The following RAB44 variants were observed in gnomAD, a reference collection of about 807,000 sequenced individuals.
RAB44 encodes ras-related protein Rab-44.
In RAB44, 67 loss-of-function variants were observed where a neutral mutation model predicts 93.3. That is an observed-to-expected ratio of 0.72 (90% CI 0.59 to 0.88). RAB44 has a LOEUF of 0.88. Ranked by LOEUF, RAB44 falls within the 40% of genes least tolerant of loss-of-function variation. The pLI is 0.00. For synonymous variants in RAB44, 427 were observed against 520.3 expected (o/e 0.82, Z 2.44); for missense variants, 1,064 against 1,261.7 (o/e 0.84, Z 2.37).
At chr6:36,711,658 A>G (rs1195573396) in intron 2 of RAB44, among the ~76,000 whole-genome samples, 2 of 152,248 alleles carry the variant, frequency 1.3e-5, no homozygotes, top group Non-Finnish European at 2.9e-5. Flanking sequence ...TCTATAAACC[A>G]ATCAACACAG....
chr6:36,725,416 A>G (rs374227619), intron 9 of RAB44, among the ~76,000 whole-genome samples: 2 of 152,178 alleles, frequency 1.3e-5, no homozygotes, highest in South Asian at 2.1e-4. Context: ...AAGGAAAGAG[A>G]GGCTCACAGA....
In RAB44 at chr6:36,705,220, G is replaced by A. The variant is rs147769052; in HGVS notation, c.207+778G>A. On this transcript the variant is annotated intron_variant, in intron 2 of 13. Coordinates refer to ENST00000612677, the MANE Select transcript of RAB44 (RefSeq NM_001257357.2). ...CAGAAAACTATTAGGATAAAATTAC[G>A]GAGTTCAATTCTTAAAATGGCTAAT... Among the ~76,000 whole-genome samples the A allele has an allele frequency of 4.0e-3, 608 of 152,144 alleles. 2 individuals are homozygous for A. Among genetic ancestry groups the A allele is most frequent in the African/African-American group, 0.014 (562 of 41,500 alleles).
Position 36,722,535 on chromosome 6 carries a change from C to T in RAB44, c.2401C>T (p.Leu801Phe). The part of the protein sequence containing the change: ...HSREPRAESR[L>F]EDPGMDSREA... ...CAGGGAACCAAGGGCAGAGAGCAGG[C>T]TTGAAGATCCAGGAATGGACTCCAG... Residue 801 changes from leucine (L) to phenylalanine (F), a missense_variant, in exon 9 of 14, where the codon CTT becomes TTT. Leu to Phe is a conservative substitution (Grantham distance 22). Coordinates refer to ENST00000612677, the MANE Select transcript of RAB44 (RefSeq NM_001257357.2). 6.5e-7 allele frequency: 1 copy of T among 1,539,322 alleles called. No homozygotes were observed. Among genetic ancestry groups the T allele is most frequent in the Non-Finnish European group, 8.8e-7 (1 of 1,140,682 alleles).
intron 1 of RAB44, among the ~76,000 whole-genome samples, chr6:36,701,014 G>A (rs755927354): frequency 9.8e-5 from 15 of 152,332 alleles, no homozygotes; most frequent in South Asian, 2.1e-4. Context: ...GAGAGATACC[G>A]CGTGAAGGCC....
At chr6:36,730,910 G>T (rs1763349862) in intron 13 of RAB44, among the ~76,000 whole-genome samples, 161 bp downstream of exon 13, 1 of 151,898 alleles carries the variant, frequency 6.6e-6, no homozygotes, top group African/African-American at 2.4e-5. Context: ...ACCAGTCTGA[G>T]GGGAGAGAGA....
intron 3 of RAB44, among the ~76,000 whole-genome samples, chr6:36,714,228 G>A (rs538329225): frequency 6.6e-6 from 1 of 152,336 alleles, no homozygotes; most frequent in South Asian, 2.1e-4. Context: ...GAGTAACATT[G>A]TGGCTTTGGT....
rs189805752 is a variant in RAB44 at position 36,730,548 on chromosome 6, C to G, written c.2899-125C>G. 7.9e-6 allele frequency: 4 copies of G among 507,646 alleles called. No individual in the cohort carries two copies. In the East Asian group the frequency reaches 1.4e-4, roughly 18 times the overall value. 31.4% of individuals were successfully genotyped at this position (507,646 alleles called of 1,614,324 possible). The stretch of plus-strand genomic sequence containing the variant: ...CACGCTGAGATGGGGCTGTCTTGCT[C>G]GCCACTGAGGTCAGCTTAGGGATGC... On this transcript the variant is annotated intron_variant, in intron 12 of 13. Coordinates refer to ENST00000612677, the MANE Select transcript of RAB44 (RefSeq NM_001257357.2).
intron 1 of RAB44, among the ~76,000 whole-genome samples, chr6:36,700,164 C>A (rs1388214884): frequency 6.6e-6 from 1 of 152,206 alleles, no homozygotes; most frequent in East Asian, 1.9e-4. Context: ...GATGTTTCAA[C>A]TTTAATTATC....
chr6:36,703,957 GA>G (rs1386692547), intron 1 of RAB44, among the ~76,000 whole-genome samples: 1 of 152,228 alleles, frequency 6.6e-6, no homozygotes, highest in Non-Finnish European at 1.5e-5. Flanking sequence ...GTAGTAGCCT[GA>G]AGAGATGAGG....
intron 1 of RAB44, among the ~76,000 whole-genome samples, chr6:36,698,536 C>T (rs746786168): frequency 1.5e-4 from 23 of 152,088 alleles, no homozygotes; most frequent in Non-Finnish European, 2.8e-4. Flanking sequence ...TTCATTTGCT[C>T]TCATGTTTGG....
At chr6:36,727,269 G>A (rs12214556) in intron 10 of RAB44, among the ~76,000 whole-genome samples, 2 of 152,186 alleles carry the variant, frequency 1.3e-5, no homozygotes, top group East Asian at 1.9e-4. Flanking sequence ...ATGTATATAC[G>A]TAAAATGCCT....
Position 36,723,967 on chromosome 6 carries a change from A to G in RAB44, c.2599+1234A>G, listed in dbSNP as rs369832420. On this transcript the variant is annotated intron_variant, in intron 9 of 13. Transcript: ENST00000612677. ...GGGATCAGAGCCAGACCAGTCGGTA[A>G]ATGACAGCCCCCCACAAGAGAGGCC... Among the ~76,000 whole-genome samples the G allele has an allele frequency of 2.4e-4, 37 of 151,906 alleles. No homozygotes were observed. The East Asian group carries it at 6.6e-3, about 27-fold the overall frequency.
intron 9 of RAB44, 41 bp downstream of exon 9, chr6:36,722,774 G>T (rs893552071): frequency 1.4e-5 from 21 of 1,547,644 alleles, no homozygotes; most frequent in Non-Finnish European, 1.7e-5. Context: ...AAGGAGAGAC[G>T]CAGGGGCCAG....
chr6:36,714,309 C>A (rs909706857), intron 3 of RAB44, among the ~76,000 whole-genome samples: 2 of 152,138 alleles, frequency 1.3e-5, no homozygotes, highest in Admixed American at 6.5e-5. Flanking sequence ...AGGTGCTGAG[C>A]CCCCACTGGG....
chr6:36,723,379 G>A (rs770938262), intron 9 of RAB44, among the ~76,000 whole-genome samples: 7 of 152,182 alleles, frequency 4.6e-5, no homozygotes, highest in Non-Finnish European at 8.8e-5. Context: ...CATGTAGTGA[G>A]TACTCAGTAA....
chr6:36,725,985 A>G (rs1432202926), intron 10 of RAB44, 42 bp downstream of exon 10: 5 of 1,466,994 alleles, frequency 3.4e-6, no homozygotes, highest in African/African-American at 2.8e-5. Context: ...ACCTAGGCTG[A>G]GCGTAGGGGT....
intron 1 of RAB44, among the ~76,000 whole-genome samples, chr6:36,703,759 C>T (rs1762569986): frequency 6.6e-6 from 1 of 151,890 alleles, no homozygotes; most frequent in African/African-American, 2.4e-5. Flanking sequence ...ATCCCTGACG[C>T]AGCTGAGATG....
rs1032719902 is a variant in RAB44 at position 36,727,574 on chromosome 6, CAGGT to C, written c.2682-1_2684del. Reference sequence around the variant, plus strand: ...TGTGGCCTCATGCAGACTCTCTGGGCAGGTACCACAGTATGACGCGACAGCTGCT... The same window carrying C: ...TGTGGCCTCATGCAGACTCTCTGGGCACCACAGTATGACGCGACAGCTGCT... On this transcript the variant is annotated splice_acceptor_variant and coding_sequence_variant, in exon 11 of 14. Transcript: ENST00000612677. LOFTEE classifies it high-confidence loss of function. 12 of 1,548,356 alleles carry C rather than the reference CAGGT, an allele frequency of 7.8e-6. No individual in the cohort carries two copies. In the African/African-American group the frequency reaches 1.6e-4, roughly 21 times the overall value.
chr6:36,705,901 A>ATTT (rs202201461), intron 2 of RAB44, among the ~76,000 whole-genome samples: 159 of 143,970 alleles, frequency 1.1e-3, no homozygotes, highest in African/African-American at 3.9e-3. Context: ...TTTATGTTGG[A>ATTT]TTTTTTTTTT....
Sources: allele counts gnomAD v4.1 joint callset (sites outside exome capture counted in the v4.1 genomes callset), GRCh38; gene constraint gnomAD v4.1.1; transcripts MANE v1.5; gene names NCBI Gene and HGNC (gene_info 2026-07-23, HGNC 2026-07-21).